The following ADGRD1 variants were observed in gnomAD, a reference collection of about 807,000 sequenced individuals.
The protein encoded by ADGRD1 is adhesion G protein-coupled receptor D1.
A neutral mutation model predicts 113.4 loss-of-function variants in ADGRD1; 77 were observed. That is an observed-to-expected ratio of 0.68 (90% CI 0.57 to 0.82). The LOEUF (loss-of-function observed/expected upper bound fraction) is 0.82, where lower values mean the gene tolerates loss of function less well. ADGRD1 is among the 40% of genes least tolerant of loss of function. The pLI, the probability that ADGRD1 is intolerant of heterozygous loss-of-function variation, is 0.00. For missense variants in ADGRD1, 1,036 were observed against 1,139.1 expected (o/e 0.91, Z 1.30); for synonymous variants, 474 against 475.0 (o/e 1.00, Z 0.03).
In ADGRD1 at chr12:131,014,109, T is replaced by C. The variant is rs11061282; in HGVS notation, c.1332-90T>C. Reference sequence around the variant, plus strand: ...AAGAAGATTTCCGTCTCAATAGTTTTGGGTGGAACGCTGGCTCCCAGCCTA... The same window carrying C: ...AAGAAGATTTCCGTCTCAATAGTTTCGGGTGGAACGCTGGCTCCCAGCCTA... On this transcript the variant is annotated intron_variant, in intron 12 of 24. Coordinates refer to ENST00000261654, the MANE Select transcript of ADGRD1 (RefSeq NM_198827.5). The C allele has an allele frequency of 0.021, 26,396 of 1,276,552 alleles. 2,186 individuals are homozygous for C. The African/African-American group carries it at 0.25, about 12-fold the overall frequency. 79.1% of individuals were successfully genotyped at this position (1,276,552 alleles called of 1,614,324 possible).
intron 8 of ADGRD1, among the ~76,000 whole-genome samples, chr12:130,997,470 T>G (rs1372495280): frequency 2.6e-5 from 3 of 114,704 alleles, no homozygotes; most frequent in East Asian, 2.6e-4. Context: ...AGGCGGAGGG[T>G]CTCCTCACTT....
intron 13 of ADGRD1, among the ~76,000 whole-genome samples, chr12:131,052,101 GA>G (rs1246467086): frequency 5.3e-5 from 8 of 152,174 alleles, no homozygotes; most frequent in African/African-American, 1.9e-4. Flanking sequence ...GCCTGCACGG[GA>G]CCCTCCTTTA....
chr12:131,087,087 G>A (rs1473756317), intron 15 of ADGRD1, among the ~76,000 whole-genome samples: 4 of 152,076 alleles, frequency 2.6e-5, no homozygotes, highest in South Asian at 2.1e-4. Context: ...AAATTTTTTC[G>A]TAGCAATGGG....
intron 5 of ADGRD1, among the ~76,000 whole-genome samples, chr12:130,982,394 G>C (rs1471359693): frequency 2.0e-5 from 3 of 152,192 alleles, no homozygotes; most frequent in Non-Finnish European, 2.9e-5. Context: ...CGGTTTCCAG[G>C]ACATTAAGCT....
At chr12:130,978,665 C>G (rs1872609035) in intron 4 of ADGRD1, 1 of 151,402 alleles carries the variant, frequency 6.6e-6, no homozygotes, top group African/African-American at 2.4e-5. Flanking sequence ...TTACCGGCAC[C>G]ATGGATGGCC....
chr12:131,074,323 G>A (rs1885410622), intron 13 of ADGRD1, among the ~76,000 whole-genome samples: 2 of 152,178 alleles, frequency 1.3e-5, no homozygotes, highest in African/African-American at 4.8e-5. Flanking sequence ...CCATGGAGCC[G>A]GCCCTGTGAG....
Position 131,053,848 on chromosome 12 carries a change from G to A in ADGRD1, c.1474-22953G>A, listed in dbSNP as rs910725894. On this transcript the variant is annotated intron_variant, in intron 13 of 24. Transcript: ENST00000261654. ...CCAAATTTCTGTCCAGAGCAGCACC[G>A]ATAGCCCACCAGTGTAGTAGACGTA... 3.9e-5 allele frequency among the ~76,000 whole-genome samples: 6 copies of A among 152,204 alleles called. No homozygotes were observed. The South Asian group carries it at 1.0e-3, about 26-fold the overall frequency.
rs576348861 is a variant in ADGRD1, at chr12:131,105,894, G to A, written c.1887+29G>A. The A allele has an allele frequency of 4.8e-4, 736 of 1,525,296 alleles. 5 individuals are homozygous for A. The South Asian group carries it at 7.9e-3, about 16-fold the overall frequency. The allele number at this position is 1,525,296 out of a possible 1,614,324, so 94.5% of individuals were successfully genotyped here. On this transcript the variant is annotated intron_variant, in intron 17 of 24. Coordinates refer to ENST00000261654, the MANE Select transcript of ADGRD1 (RefSeq NM_198827.5). ...AGTGGGCGCAGCTCCGTGTTCCTGC[G>A]CTGTCCTTCCCTTGCCTCCTCGGAT...
Position 131,084,040 on chromosome 12 carries a change from A to G in ADGRD1, c.1548-500A>G, listed in dbSNP as rs1886268658. 6.6e-6 allele frequency among the ~76,000 whole-genome samples: 1 copy of G among 152,128 alleles called. No homozygotes were observed. Among genetic ancestry groups the G allele is most frequent in the Non-Finnish European group, 1.5e-5 (1 of 68,020 alleles). On this transcript the variant is annotated intron_variant, in intron 14 of 24. Transcript: ENST00000261654. The surrounding 1 kb of genome is among the most constrained non-coding windows in gnomAD (Gnocchi z 4.5). The stretch of plus-strand genomic sequence containing the variant: ...CCTTATCAGTGCACATTGGTCAAGG[A>G]TGTTCTTTTTAACCGATGCGAGGTC...
chr12:131,033,936 T>A (rs1442230904), intron 13 of ADGRD1, among the ~76,000 whole-genome samples: 1 of 152,072 alleles, frequency 6.6e-6, no homozygotes, highest in Non-Finnish European at 1.5e-5. Flanking sequence ...CTGCCAGTCC[T>A]CCCCGGGGGA....
rs781399639 is a variant in ADGRD1, at chr12:130,998,049, C to T, written c.967-2334C>T. 7.9e-5 allele frequency among the ~76,000 whole-genome samples: 12 copies of T among 152,010 alleles called. No individual in the cohort carries two copies. The East Asian group carries it at 9.6e-4, about 12-fold the overall frequency. On this transcript the variant is annotated intron_variant, in intron 8 of 24. Transcript: ENST00000261654. Reference sequence around the variant, plus strand: ...AAACCCCGTCTCCACCAAAAAAAAACGAAAACCAGTCAGGCATGGCAGGCT... The same window carrying T: ...AAACCCCGTCTCCACCAAAAAAAAATGAAAACCAGTCAGGCATGGCAGGCT...
intron 13 of ADGRD1, among the ~76,000 whole-genome samples, chr12:131,044,761 T>G (rs950155073): frequency 6.6e-6 from 1 of 152,220 alleles, no homozygotes; most frequent in African/African-American, 2.4e-5. Context: ...CACGACGGCA[T>G]CACGCTGCCA....
intron 5 of ADGRD1, 131 bp from the exon 6 acceptor site, chr12:130,986,964 A>G (rs1414307106): frequency 1.7e-5 from 12 of 723,110 alleles, no homozygotes; most frequent in Non-Finnish European, 2.8e-5. Context: ...TATACCTTGT[A>G]TTAGGACGCA....
intron 12 of ADGRD1, among the ~76,000 whole-genome samples, chr12:131,011,336 C>T (rs1027194725): frequency 1.3e-4 from 19 of 151,706 alleles, no homozygotes; most frequent in South Asian, 2.1e-4. Context: ...GTTCCCGGAG[C>T]GGAATCCAGG....
In ADGRD1 at chr12:131,018,153, C is replaced by A. The variant is rs181070484; in HGVS notation, c.1473+3813C>A. On this transcript the variant is annotated intron_variant, in intron 13 of 24. Coordinates refer to ENST00000261654, the MANE Select transcript of ADGRD1 (RefSeq NM_198827.5). ...GTGCACAGAGCGGGTCTCCAGGGTG[C>A]CTCACCCAGGGGCCTCACGCCTATC... 1.4e-3 allele frequency among the ~76,000 whole-genome samples: 217 copies of A among 152,284 alleles called. 1 individual carries two copies. Among genetic ancestry groups the A allele is most frequent in the African/African-American group, 4.6e-3 (190 of 41,554 alleles).
Position 131,120,839 on chromosome 12 carries a change from C to G in ADGRD1, c.2109-8C>G. On this transcript the variant is annotated splice_polypyrimidine_tract_variant and splice_region_variant and intron_variant, in intron 19 of 24. Transcript: ENST00000261654. ...TTGTTGAAGTAACGGCTCTGCTTCC[C>G]TCCGCAGTTGCTGGCTGTCGTTGGC... 1 of 1,614,194 alleles carries G rather than the reference C, an allele frequency of 6.2e-7. No individual in the cohort carries two copies.
chr12:131,037,797 CACTCACTGCACCAGGATCTT>C (rs1566053723), intron 13 of ADGRD1, among the ~76,000 whole-genome samples: 1 of 40,710 alleles, frequency 2.5e-5, no homozygotes, highest in African/African-American at 5.8e-5. Context: ...CACCGGGTCT[CACTCACTGCACCAGGATCTT>C]ACTCACTGCA....
chr12:130,959,628 T>C (rs921138920), intron 2 of ADGRD1, among the ~76,000 whole-genome samples: 43 of 152,278 alleles, frequency 2.8e-4, no homozygotes, highest in African/African-American at 1.0e-3. Flanking sequence ...GATTTGCTAG[T>C]CATCTGGTAA....
chr12:130,991,186 A>G, intron 7 of ADGRD1, 108 bp downstream of exon 7: 1 of 825,438 alleles, frequency 1.2e-6, no homozygotes, highest in East Asian at 2.5e-5. Flanking sequence ...TGTTATCGGC[A>G]GTACATTGTC....
Sources: gnomAD v4.1 joint callset for allele counts (sites outside exome capture counted in the v4.1 genomes callset) on GRCh38, gnomAD v4.1.1 for gene constraint, Gnocchi (gnomAD v3.1) non-coding constraint, MANE v1.5 for transcripts, NCBI Gene and HGNC (gene_info 2026-07-23, HGNC 2026-07-21) for gene names.